Variants in STAG2 observed in about 807,000 individuals in gnomAD.
The protein encoded by STAG2 is cohesin subunit SA-2.
In STAG2, 14 loss-of-function variants were observed where a neutral mutation model predicts 108.1. The observed-to-expected ratio is 0.13, with a 90% CI of 0.09 to 0.20. STAG2 has a LOEUF of 0.20. Among genes scored for constraint, STAG2 ranks in the 10% least tolerant of loss-of-function variants. The pLI is 1.00. For missense variants in STAG2, 440 were observed against 940.9 expected (o/e 0.47, Z 6.96); for synonymous variants, 307 against 302.7 (o/e 1.01, Z -0.15).
chrX:124,064,187 A>G lies in STAG2; in HGVS notation c.2025+136A>G, dbSNP rs761438491. ...AAAAGATGTTCAGGCTTTTCATTCT[A>G]TGACTCATCAGGCTACTCCTCCACC... On this transcript the variant is annotated intron_variant, in intron 20 of 34. Transcript: ENST00000371145. The G allele has an allele frequency of 6.3e-5, 29 of 462,473 alleles. No individual in the cohort carries two copies. In the South Asian group the frequency reaches 9.6e-4, roughly 15 times the overall value. 38.1% of individuals were successfully genotyped at this position (462,473 alleles called of 1,213,427 possible).
At chrX:124,093,297 C>T (rs970247965) in intron 32 of STAG2, among the ~76,000 whole-genome samples, 3 of 110,854 alleles carry the variant, frequency 2.7e-5, no homozygotes, top group African/African-American at 9.8e-5. Context: ...ATGAGTGTTC[C>T]TCATTTCTTC....
In STAG2 at chrX:124,100,882, TTAA is replaced by T; in HGVS notation, c.*286_*288del. ...TGAATCGATTATTTCATGCTTTTTT[TTAA>T]AAAAAAAAAAAAACAAAATAACAAT... On this transcript the variant is annotated 3_prime_UTR_variant, in exon 35 of 35. Transcript: ENST00000371145. The T allele has an allele frequency of 4.8e-6, 1 of 206,954 alleles. No individual in the cohort carries two copies. Among genetic ancestry groups the T allele is most frequent in the Non-Finnish European group, 8.7e-6 (1 of 115,329 alleles). 17.1% of individuals were successfully genotyped at this position (206,954 alleles called of 1,213,427 possible).
At chrX:124,092,620 G>T (rs2059280181) in intron 32 of STAG2, among the ~76,000 whole-genome samples, 1 of 112,207 alleles carries the variant, frequency 8.9e-6, no homozygotes, top group African/African-American at 3.2e-5. Flanking sequence ...ATTCTTTGGT[G>T]GTTGTACCAT....
chrX:123,960,624 A>G (rs2053804270), upstream of STAG2: 4 of 101,721 alleles, frequency 3.9e-5, no homozygotes, highest in Admixed American at 1.1e-4. Flanking sequence ...AAAAAAAAAA[A>G]AAAAAAAAAA....
At chrX:124,068,885 T>G (rs1021916575) in intron 24 of STAG2, among the ~76,000 whole-genome samples, 2 of 112,225 alleles carry the variant, frequency 1.8e-5, no homozygotes, top group Non-Finnish European at 3.8e-5. Flanking sequence ...TATTGTCATT[T>G]TATGTTGTTG....
intron 1 of STAG2, among the ~76,000 whole-genome samples, chrX:124,017,244 CTG>C (rs1375615000): frequency 9.2e-6 from 1 of 108,837 alleles, no homozygotes; most frequent in Non-Finnish European, 1.9e-5. Flanking sequence ...GAGTCTCACT[CTG>C]TTGCCCAGGC....
At chrX:124,089,704 T>TA in intron 30 of STAG2, among the ~76,000 whole-genome samples, 1 of 112,088 alleles carries the variant, frequency 8.9e-6, no homozygotes, top group East Asian at 2.8e-4. Flanking sequence ...AGTTCCCTGT[T>TA]ACCTTAGAAG....
intron 2 of STAG2, among the ~76,000 whole-genome samples, chrX:124,021,857 G>A (rs1241485700): frequency 1.8e-5 from 2 of 110,883 alleles, no homozygotes; most frequent in African/African-American, 6.6e-5. Context: ...CCAGCAAAAG[G>A]TTGTATTTTC....
Position 124,031,106 on chromosome X carries a change from T to C in STAG2, c.269T>C (p.Met90Thr). ...ATGATGTTGTTTGAAGTTGTTAAAA[T>C]GGGCAAGAGTGCTATGCAGGTAAGA... ...ENMMLFEVVK[M>T]GKSAMQSVVD... The change falls in exon 5 of 35, where the codon ATG becomes ACG. Residue 90 changes from methionine to threonine, a missense_variant. Transcript: ENST00000371145. 1.7e-6 allele frequency: 2 copies of C among 1,207,516 alleles called. No individual in the cohort carries two copies. The highest frequency in any genetic ancestry group is 2.2e-6 in the Non-Finnish European group (2 of 894,012).
At chrX:124,034,864 T>TTGA (rs1288551521) in intron 5 of STAG2, among the ~76,000 whole-genome samples, 4 of 83,104 alleles carry the variant, frequency 4.8e-5, no homozygotes, top group African/African-American at 1.5e-4. Flanking sequence ...GTAGTTGTTG[T>TTGA]TGTTGTTGTT....
In STAG2 at chrX:124,063,154, G is replaced by A. The variant is rs2058429876; in HGVS notation, c.1770G>A (p.Gln590=). Residue 590 remains glutamine (Q), a synonymous_variant, in exon 19 of 35, where the codon CAG becomes CAA. Transcript: ENST00000371145. ...CAGAAAAGGTGACTAACTTGTTGCA[G>A]TTGCCTCAGTACTTTGATTTGGAAA... The part of the protein sequence containing the change: ...VDAEKVTNLL[Q]LPQYFDLEIY... 4.1e-6 allele frequency: 5 copies of A among 1,207,727 alleles called. No homozygotes were observed. Among genetic ancestry groups the A allele is most frequent in the Non-Finnish European group, 4.5e-6 (4 of 892,976 alleles).
rs141292619 is a variant in STAG2 at position 123,992,805 on chromosome X, G to T, written c.-162-28562G>T. Among the ~76,000 whole-genome samples the T allele has an allele frequency of 7.3e-3, 808 of 111,137 alleles. 6 individuals are homozygous for T. The highest frequency in any genetic ancestry group is 0.025 in the African/African-American group (760 of 30,520). Reference sequence around the variant, plus strand: ...TCTGCCCGCCTTGGCCTCCGAAAGTGCTGGGGTTACAGGCGTGAGCTACTG... The same window carrying T: ...TCTGCCCGCCTTGGCCTCCGAAAGTTCTGGGGTTACAGGCGTGAGCTACTG... On this transcript the variant is annotated intron_variant, in intron 1 of 34. Coordinates refer to ENST00000371145, the MANE Select transcript of STAG2 (RefSeq NM_001042750.2).
intron 9 of STAG2, 88 bp from the exon 10 acceptor site, chrX:124,048,917 C>T (rs2057956132): frequency 1.4e-6 from 1 of 713,191 alleles, no homozygotes; most frequent in Non-Finnish European, 2.2e-6. Context: ...CTGGGGAATT[C>T]TGCTTTTTTT....
At chrX:124,074,271 A>G in intron 25 of STAG2, among the ~76,000 whole-genome samples, 1 of 112,523 alleles carries the variant, frequency 8.9e-6, no homozygotes, top group Non-Finnish European at 1.9e-5. Context: ...ACATGTGGCT[A>G]CAATTCATTT....
chrX:124,070,537 C>G (rs1372019811), intron 24 of STAG2, among the ~76,000 whole-genome samples: 3 of 112,030 alleles, frequency 2.7e-5, no homozygotes, highest in African/African-American at 9.7e-5. Flanking sequence ...CCTTGAGATA[C>G]AACTTCAGCC....
At chrX:124,015,672 C>T (rs1221879586) in intron 1 of STAG2, among the ~76,000 whole-genome samples, 1 of 111,898 alleles carries the variant, frequency 8.9e-6, no homozygotes, top group African/African-American at 3.2e-5. Flanking sequence ...CACACCCGGC[C>T]GAATTCTTGT....
intron 30 of STAG2, among the ~76,000 whole-genome samples, chrX:124,089,359 A>G (rs2059196095): frequency 8.9e-6 from 1 of 112,487 alleles, no homozygotes; most frequent in African/African-American, 3.2e-5. Flanking sequence ...TTATGGCAAC[A>G]TTTACAGACA....
intron 3 of STAG2, among the ~76,000 whole-genome samples, chrX:124,023,734 G>C (rs1468659573): frequency 9.0e-6 from 1 of 111,664 alleles, no homozygotes. Flanking sequence ...TTATATACTT[G>C]GTTAGAGACT....
intron 1 of STAG2, among the ~76,000 whole-genome samples, chrX:124,012,790 ATTG>A (rs2056562814): frequency 1.8e-5 from 2 of 111,874 alleles, no homozygotes; most frequent in African/African-American, 3.2e-5. Context: ...CATTGGTTTT[ATTG>A]TTTTTAATCT....
Sources: allele counts gnomAD v4.1 joint callset (sites outside exome capture counted in the v4.1 genomes callset), GRCh38; gene constraint gnomAD v4.1.1; transcripts MANE v1.5; gene names NCBI Gene and HGNC (gene_info 2026-07-23, HGNC 2026-07-21).